Variants in C2CD3 observed in about 807,000 individuals in gnomAD.
C2CD3 encodes the protein C2 domain-containing protein 3.
Under a neutral mutation model 234.0 loss-of-function variants are expected in C2CD3, and 148 were observed. The ratio of observed to expected loss-of-function variants is 0.63; its 90% CI spans 0.55 to 0.72. The LOEUF is 0.72. Ranked by LOEUF, C2CD3 falls within the 30% of genes least tolerant of loss-of-function variation. The pLI is 0.00. For missense variants in C2CD3, 2,577 were observed against 2,811.5 expected (o/e 0.92, Z 1.89); for synonymous variants, 1,000 against 1,035.4 (o/e 0.97, Z 0.66).
intron 3 of C2CD3, among the ~76,000 whole-genome samples, chr11:74,159,068 A>G (rs1856251973): frequency 1.3e-5 from 2 of 152,226 alleles, no homozygotes; most frequent in Non-Finnish European, 2.9e-5. Flanking sequence ...CAGTGGTCCC[A>G]TAAGATTATA....
intron 13 of C2CD3, among the ~76,000 whole-genome samples, chr11:74,104,262 A>G (rs1462312649): frequency 6.6e-6 from 1 of 152,242 alleles, no homozygotes; most frequent in African/African-American, 2.4e-5. Context: ...AAGATCTGAC[A>G]AAATGCAATA....
rs1348265476 is a variant in C2CD3, at chr11:74,076,371, CGACTGTA to C, written c.4603+1737_4603+1743del. Among the ~76,000 whole-genome samples the C allele has an allele frequency of 4.6e-5, 7 of 152,260 alleles. No homozygotes were observed. The East Asian group carries it at 1.4e-3, about 29-fold the overall frequency. On this transcript the variant is annotated intron_variant, in intron 23 of 32. Coordinates refer to ENST00000334126, the MANE Select transcript of C2CD3 (RefSeq NM_001286577.2). Reference sequence around the variant, plus strand: ...ACAAAGGGTCATGACTCAGTTTCTTCGACTGTAGAGTGGGGGAAATAACAACTAACTG... The same window carrying C: ...ACAAAGGGTCATGACTCAGTTTCTTCGAGTGGGGGAAATAACAACTAACTG...
At chr11:74,145,139 G>A (rs988331630) in intron 3 of C2CD3, among the ~76,000 whole-genome samples, 9 of 152,122 alleles carry the variant, frequency 5.9e-5, no homozygotes, top group African/African-American at 2.2e-4. Flanking sequence ...TTGACGAATC[G>A]CCACACTGCT....
At chr11:74,140,271 A>G (rs997927692) in intron 3 of C2CD3, among the ~76,000 whole-genome samples, 7 of 152,216 alleles carry the variant, frequency 4.6e-5, no homozygotes, top group Non-Finnish European at 1.0e-4. Context: ...CTGTTCCAAT[A>G]GACCAATTAC....
Position 74,109,134 on chromosome 11 carries a change from C to A in C2CD3, c.1862G>T (p.Arg621Leu). The A allele has an allele frequency of 1.3e-6, 2 of 1,579,362 alleles. No homozygotes were observed. The highest frequency in any genetic ancestry group is 1.7e-6 in the Non-Finnish European group (2 of 1,164,554). Residue 621 changes from arginine (R) to leucine (L), a missense_variant, in exon 12 of 33, where the codon CGA becomes CTA. Transcript: ENST00000334126. ...ACCAAACTGTACTGGAAACACAAAT[C>A]GCTGCTGGAACTTCACCTCTGTAAG... ...ITDGKVKFQQ[R>L]FVFPVQFGGP...
In C2CD3 at chr11:74,034,369, G is replaced by A. The variant is rs934226472; in HGVS notation, c.5882-91C>T. ...TAGCCTTTAGCTTCAGAAGCACTAT[G>A]GCAATCAGACTCTGAACAAACCATA... On this transcript the variant is annotated intron_variant, in intron 30 of 32. Coordinates refer to ENST00000334126, the MANE Select transcript of C2CD3 (RefSeq NM_001286577.2). The A allele has an allele frequency of 4.7e-6, 7 of 1,479,288 alleles. No individual in the cohort carries two copies. In the East Asian group the frequency reaches 9.9e-5, roughly 21 times the overall value. The allele number at this position is 1,479,288 out of a possible 1,614,324, so 91.6% of individuals were successfully genotyped here. A position where few individuals can be genotyped will look rare whatever the true frequency, so the allele number is the denominator to read the frequency against.
intron 7 of C2CD3, among the ~76,000 whole-genome samples, chr11:74,124,280 T>C (rs1957325999): frequency 6.6e-6 from 1 of 152,194 alleles, no homozygotes; most frequent in Non-Finnish European, 1.5e-5. Flanking sequence ...TTCCTTAATT[T>C]CTCAAGAAAA....
chr11:74,039,932 C>T (rs1176490173), intron 29 of C2CD3, among the ~76,000 whole-genome samples: 1 of 152,198 alleles, frequency 6.6e-6, no homozygotes, highest in Admixed American at 6.5e-5. Context: ...AAACAGCCTA[C>T]AATCTCTAGC....
At chr11:74,053,523 T>A (rs1953797311) in intron 26 of C2CD3, among the ~76,000 whole-genome samples, 1 of 152,224 alleles carries the variant, frequency 6.6e-6, no homozygotes, top group South Asian at 2.1e-4. Flanking sequence ...TGCCTCTTAA[T>A]AAAACTGGGT....
At position 74,098,356 on chromosome 11, in the gene C2CD3, T is replaced by C. The variant is rs192930133; in HGVS notation, c.2733-101A>G. On this transcript the variant is annotated intron_variant, in intron 15 of 32. Transcript: ENST00000334126. ...TTTTTTCAGTTTGTTAAAAATAGAT[T>C]TGCAACTGGAAAAGTAATAGTGGTT... The C allele has an allele frequency of 4.8e-3, 5,985 of 1,241,814 alleles. 34 individuals carry two copies. The highest frequency in any genetic ancestry group is 6.0e-3 in the Non-Finnish European group (5,347 of 889,812). 76.9% of individuals were successfully genotyped at this position (1,241,814 alleles called of 1,614,324 possible).
At chr11:74,069,345 G>C (rs977334616) in intron 24 of C2CD3, among the ~76,000 whole-genome samples, 1 of 152,130 alleles carries the variant, frequency 6.6e-6, no homozygotes, top group Non-Finnish European at 1.5e-5. Context: ...AAATACTTTT[G>C]GAAGCAGCCC....
intron 22 of C2CD3, among the ~76,000 whole-genome samples, chr11:74,079,412 A>C (rs1180791219): frequency 6.6e-6 from 1 of 151,476 alleles, no homozygotes; most frequent in African/African-American, 2.4e-5. Context: ...TTTTTTGTAG[A>C]GATAGGGTCG....
At position 74,042,222 on chromosome 11, in the gene C2CD3, TCAA is replaced by T; in HGVS notation, c.5496-7_5496-5del. 2 of 1,450,404 alleles carry T rather than the reference TCAA, an allele frequency of 1.4e-6. No homozygotes were observed. The highest frequency in any genetic ancestry group is 1.8e-6 in the Non-Finnish European group (2 of 1,113,348). 89.8% of individuals were successfully genotyped at this position (1,450,404 alleles called of 1,614,324 possible). On this transcript the variant is annotated splice_polypyrimidine_tract_variant and splice_region_variant and intron_variant, in intron 28 of 32. Transcript: ENST00000334126. ...TTGGCTTCTTGTGGTATCACTTCTG[TCAA>T]AAAAAAAAAAAAAAAAAGTAGGAGC... is the stretch of plus-strand genomic sequence containing the variant.
chr11:74,018,283 C>T (rs905775584), intron 32 of C2CD3, among the ~76,000 whole-genome samples: 1 of 152,142 alleles, frequency 6.6e-6, no homozygotes, highest in Admixed American at 6.6e-5. Flanking sequence ...TGTTCTCAGA[C>T]CCCATCCCTG....
intron 24 of C2CD3, among the ~76,000 whole-genome samples, chr11:74,062,408 A>T (rs1200449740): frequency 6.6e-6 from 1 of 152,240 alleles, no homozygotes. Context: ...AAGCAACAGA[A>T]ATTATAACAA....
At position 74,109,053 on chromosome 11, in the gene C2CD3, T is replaced by C; in HGVS notation, c.1943A>G (p.Lys648Arg). 1 of 1,597,942 alleles carries C rather than the reference T, an allele frequency of 6.3e-7. No individual in the cohort carries two copies. The highest frequency in any genetic ancestry group is 1.3e-5 in the African/African-American group (1 of 74,564). The change falls in exon 12 of 33, where the codon AAG becomes AGG. Residue 648 changes from lysine to arginine, a missense_variant. By Grantham distance (26) the Lys-to-Arg change is conservative. Transcript: ENST00000334126. ...AAGTACCTTTTTCTGTGGAGTTTTC[T>C]TTACATAAATTTGGAAAGTGAGGTT... Reference protein sequence around the residue: ...NSNLTFQIYVKKTPQKKPEVI... With the variant: ...NSNLTFQIYVRKTPQKKPEVI...
intron 32 of C2CD3, among the ~76,000 whole-genome samples, chr11:74,025,559 T>C (rs771952362): frequency 7.9e-5 from 12 of 152,090 alleles, no homozygotes; most frequent in African/African-American, 9.7e-5. Flanking sequence ...GCAATTCTGC[T>C]TGGAAGGTGA....
chr11:74,161,712 T>A (rs1344425299), intron 2 of C2CD3, among the ~76,000 whole-genome samples, 156 bp from the exon 3 acceptor site: 1 of 152,104 alleles, frequency 6.6e-6, no homozygotes, highest in Non-Finnish European at 1.5e-5. Context: ...TGAGGGGAAT[T>A]AGGTACTTTA....
chr11:74,033,841 T>A lies in C2CD3; in HGVS notation c.6319A>T (p.Arg2107Trp), dbSNP rs1303741834. Reference sequence around the variant, plus strand: ...GGAGAAGGACAAGAGGGGCCTTCCCTCTGCACCTCGTCAGGCTGAGGGCTG... The same window carrying A: ...GGAGAAGGACAAGAGGGGCCTTCCCACTGCACCTCGTCAGGCTGAGGGCTG... Reference protein sequence around the residue: ...VISPQPDEVQREGPSCPSPGP... With the variant: ...VISPQPDEVQWEGPSCPSPGP... The change falls in exon 31 of 33, where the codon AGG (arginine) becomes TGG (tryptophan). Residue 2107 changes from arginine to tryptophan, a missense_variant. Transcript: ENST00000334126. 6.5e-7 allele frequency: 1 copy of A among 1,536,198 alleles called. No homozygotes were observed. Among genetic ancestry groups the A allele is most frequent in the Non-Finnish European group, 8.7e-7 (1 of 1,146,904 alleles).
Sources: allele counts gnomAD v4.1 joint callset (sites outside exome capture counted in the v4.1 genomes callset), GRCh38; gene constraint gnomAD v4.1.1; transcripts MANE v1.5; gene names NCBI Gene and HGNC (gene_info 2026-07-23, HGNC 2026-07-21).